Variants in PCDH7 observed in about 807,000 individuals in gnomAD.
PCDH7 encodes the protein protocadherin-7.
Under a neutral mutation model 58.9 loss-of-function variants are expected in PCDH7, and 17 were observed. The observed-to-expected ratio is 0.29, with a 90% confidence interval of 0.20 to 0.43. The LOEUF (loss-of-function observed/expected upper bound fraction) is 0.43, where lower values mean the gene tolerates loss of function less well. Ranked by LOEUF, PCDH7 falls within the 20% of genes least tolerant of loss-of-function variation. The pLI, the probability that PCDH7 is intolerant of heterozygous loss-of-function variation, is 1.00. For synonymous variants in PCDH7, 664 were observed against 616.4 expected (o/e 1.08, Z -1.14); for missense variants, 1,274 against 1,441.0 (o/e 0.88, Z 1.88).
intron 2 of PCDH7, among the ~76,000 whole-genome samples, chr4:30,935,978 T>A (rs992116058): frequency 6.6e-6 from 1 of 152,010 alleles, no homozygotes; most frequent in African/African-American, 2.4e-5. Flanking sequence ...ATAAATAAAT[T>A]ATAATTATAT....
intron 2 of PCDH7, among the ~76,000 whole-genome samples, chr4:30,934,911 T>C (rs1261585844): frequency 6.6e-6 from 1 of 152,090 alleles, no homozygotes; most frequent in Non-Finnish European, 1.5e-5. Flanking sequence ...ATTCATGTAT[T>C]ATCTCCTTCA....
chr4:31,103,252 G>A (rs1309757586), intron 3 of PCDH7, among the ~76,000 whole-genome samples: 1 of 152,072 alleles, frequency 6.6e-6, no homozygotes, highest in African/African-American at 2.4e-5. Context: ...TAATTAGAAA[G>A]CTTAGAGTTG....
chr4:30,977,164 C>G (rs1282919467), intron 3 of PCDH7, among the ~76,000 whole-genome samples: 1 of 152,132 alleles, frequency 6.6e-6, no homozygotes, highest in Non-Finnish European at 1.5e-5. Context: ...CAATACTTAG[C>G]TGAATTTTCT....
chr4:31,007,287 A>G (rs1009495053), intron 3 of PCDH7, among the ~76,000 whole-genome samples: 5 of 152,234 alleles, frequency 3.3e-5, no homozygotes, highest in African/African-American at 9.6e-5. Flanking sequence ...TTTTTAAAGT[A>G]TAATGCCTGA....
At chr4:30,989,063 A>C (rs1578498840) in intron 3 of PCDH7, among the ~76,000 whole-genome samples, 5 of 152,162 alleles carry the variant, frequency 3.3e-5, no homozygotes, top group African/African-American at 1.2e-4. Flanking sequence ...ACCACAATTT[A>C]TTTTTAGCAT....
At chr4:30,955,722 T>A (rs1254294932) in intron 3 of PCDH7, among the ~76,000 whole-genome samples, 3 of 151,576 alleles carry the variant, frequency 2.0e-5, no homozygotes, top group African/African-American at 4.8e-5. Context: ...CTAATTTTTT[T>A]ATTTTTAGTG....
intron 3 of PCDH7, among the ~76,000 whole-genome samples, chr4:30,954,520 TTATC>T (rs1747660447): frequency 6.6e-6 from 1 of 152,164 alleles, no homozygotes; most frequent in Non-Finnish European, 1.5e-5. Context: ...AGGTATTAGA[TTATC>T]TATAAGATTC....
At chr4:30,776,897 G>A (rs1021675170) in intron 1 of PCDH7, among the ~76,000 whole-genome samples, 2 of 150,740 alleles carry the variant, frequency 1.3e-5, no homozygotes, top group African/African-American at 5.0e-5. Flanking sequence ...AAGTGGGAGA[G>A]AGAGTTTCAG....
chr4:31,105,905 G>A (rs1015323165), intron 3 of PCDH7, among the ~76,000 whole-genome samples: 1 of 151,862 alleles, frequency 6.6e-6, no homozygotes, highest in Non-Finnish European at 1.5e-5. Flanking sequence ...TGCTCGGGAC[G>A]CTGAGGCAGG....
chr4:30,847,086 G>A (rs1433211699), intron 1 of PCDH7, among the ~76,000 whole-genome samples: 2 of 151,760 alleles, frequency 1.3e-5, no homozygotes, highest in Non-Finnish European at 2.9e-5. Flanking sequence ...TCATACCACT[G>A]TACTCCAGCC....
chr4:30,763,514 A>G (rs1204045965), intron 1 of PCDH7, among the ~76,000 whole-genome samples: 1 of 152,236 alleles, frequency 6.6e-6, no homozygotes, highest in Admixed American at 6.5e-5. Context: ...AAACTTCTCA[A>G]CATTGAGGTA....
intron 3 of PCDH7, among the ~76,000 whole-genome samples, chr4:31,029,546 A>G (rs767065864): frequency 6.6e-6 from 1 of 152,186 alleles, no homozygotes; most frequent in African/African-American, 2.4e-5. Flanking sequence ...TAGCGGTGCT[A>G]TTATAACGGT....
chr4:30,953,559 A>G (rs1459930176), intron 3 of PCDH7, among the ~76,000 whole-genome samples: 1 of 151,816 alleles, frequency 6.6e-6, no homozygotes, highest in Non-Finnish European at 1.5e-5. Context: ...TCATTTGAAC[A>G]CCTTCAAGGA....
intron 1 of PCDH7, among the ~76,000 whole-genome samples, chr4:30,854,259 G>A (rs932921272): frequency 6.7e-6 from 1 of 149,304 alleles, no homozygotes; most frequent in Non-Finnish European, 1.5e-5. Flanking sequence ...GCTTTCTTGT[G>A]CATTGTGGGA....
At chr4:30,846,514 G>A (rs1385298292) in intron 1 of PCDH7, among the ~76,000 whole-genome samples, 1 of 150,964 alleles carries the variant, frequency 6.6e-6, no homozygotes. Context: ...AAACTGCCCG[G>A]TCTGTGGTAT....
chr4:31,143,059 G>A (rs1166203635), downstream of PCDH7: 1 of 221,628 alleles, frequency 4.5e-6, no homozygotes, highest in African/African-American at 2.5e-5. Flanking sequence ...TTACTTGCAT[G>A]TCTAACCCCT....
chr4:30,864,285 AC>A (rs1734585732), intron 1 of PCDH7, among the ~76,000 whole-genome samples: 3 of 152,108 alleles, frequency 2.0e-5, no homozygotes, highest in African/African-American at 7.2e-5. Context: ...TATGAGACAG[AC>A]ATGTAAACAA....
intron 3 of PCDH7, among the ~76,000 whole-genome samples, chr4:31,006,764 T>A (rs1381011910): frequency 1.3e-5 from 2 of 151,918 alleles, no homozygotes; most frequent in African/African-American, 4.8e-5. Context: ...TAGTGGTGCA[T>A]GCCTGTAATC....
chr4:30,961,285 C>G (rs999347727), intron 3 of PCDH7, among the ~76,000 whole-genome samples: 1 of 151,668 alleles, frequency 6.6e-6, no homozygotes, highest in Non-Finnish European at 1.5e-5. Flanking sequence ...TGGCTCATGC[C>G]TGTAATCCCA....
Sources: gnomAD v4.1 joint callset for allele counts (sites outside exome capture counted in the v4.1 genomes callset) on GRCh38, gnomAD v4.1.1 for gene constraint, MANE v1.5 for transcripts, NCBI Gene and HGNC (gene_info 2026-07-23, HGNC 2026-07-21) for gene names.